CABIN1: variants seen among roughly 807,000 people sequenced by gnomAD.
CABIN1 encodes calcineurin binding protein 1.
CABIN1 carries 133 observed loss-of-function variants against 227.7 expected under a neutral mutation model. The ratio of observed to expected loss-of-function variants is 0.58; its 90% CI spans 0.51 to 0.67. The LOEUF (loss-of-function observed/expected upper bound fraction) is 0.67. Among genes scored for constraint, CABIN1 ranks in the 30% least tolerant of loss-of-function variants. The pLI is 0.00. For synonymous variants in CABIN1, 1,086 were observed against 1,155.1 expected (o/e 0.94, Z 1.21); for missense variants, 2,408 against 2,852.5 (o/e 0.84, Z 3.55).
chr22:24,056,145 TTCA>T, intron 9 of CABIN1, 44 bp from the exon 10 acceptor site: 1 of 1,562,252 alleles, frequency 6.4e-7, no homozygotes, highest in Non-Finnish European at 8.8e-7. Context: ...GTGCATTTTT[TTCA>T]TCCCTGCCAC....
chr22:24,041,214 T>G lies in CABIN1; in HGVS notation c.286T>G (p.Leu96Val). The G allele has an allele frequency of 1.9e-6, 3 of 1,614,234 alleles. No individual in the cohort carries two copies. The highest frequency in any genetic ancestry group is 2.5e-6 in the Non-Finnish European group (3 of 1,180,052). ...LILKYSTYKNLAQLAAQREDL... is the reference protein window; with the variant it reads ...LILKYSTYKNVAQLAAQREDL... Reference sequence around the variant, plus strand: ...ACTGAAATATTCCACTTATAAGAACTTGGCCCAGCTGGCAGCCCAGCGGGA... The same window carrying G: ...ACTGAAATATTCCACTTATAAGAACGTGGCCCAGCTGGCAGCCCAGCGGGA... The change falls in exon 5 of 37, where the codon TTG becomes GTG. Residue 96 changes from leucine to valine, a missense_variant. Around this residue, in one of 3 missense-constraint regions of CABIN1, gnomAD observed 1,045 missense variants for 1,168.4 expected, o/e 0.89. Coordinates refer to ENST00000263119, the MANE Select transcript of CABIN1 (RefSeq NM_012295.4).
At chr22:24,077,152 C>T (rs533374242) in intron 19 of CABIN1, among the ~76,000 whole-genome samples, 70 of 152,264 alleles carry the variant, frequency 4.6e-4, no homozygotes, top group Non-Finnish European at 7.9e-4. Flanking sequence ...AATACCTGCT[C>T]TTTCACAACT....
At chr22:24,138,611 T>C (rs749267655) in intron 29 of CABIN1, among the ~76,000 whole-genome samples, 2 of 152,194 alleles carry the variant, frequency 1.3e-5, no homozygotes, top group Non-Finnish European at 2.9e-5. Flanking sequence ...GAGAAACACA[T>C]TTCCCAGTTT....
chr22:24,168,348 C>T (rs2046579827), intron 32 of CABIN1, 99 bp from the exon 33 acceptor site: 1 of 1,212,562 alleles, frequency 8.2e-7, no homozygotes, highest in Non-Finnish European at 1.2e-6. Flanking sequence ...CAGGGCATGC[C>T]CCCTACCTAG....
chr22:24,073,890 T>C (rs1009912859), intron 18 of CABIN1, among the ~76,000 whole-genome samples: 40 of 152,346 alleles, frequency 2.6e-4, no homozygotes, highest in African/African-American at 7.9e-4. Context: ...GTTTTCATCA[T>C]GCTGATGAGA....
At position 24,038,915 on chromosome 22, in the gene CABIN1, G is replaced by A. The variant is rs118139837; in HGVS notation, c.210+454G>A. Reference sequence around the variant, plus strand: ...ATGCCATTTGAGTAAAAGACCATGAGCTTGGGAAGTCTGTATAGACATGCC... The same window carrying A: ...ATGCCATTTGAGTAAAAGACCATGAACTTGGGAAGTCTGTATAGACATGCC... On this transcript the variant is annotated intron_variant, in intron 4 of 36. Coordinates refer to ENST00000263119, the MANE Select transcript of CABIN1 (RefSeq NM_012295.4). 9.0e-3 allele frequency among the ~76,000 whole-genome samples: 1,371 copies of A among 152,308 alleles called. 62 individuals are homozygous for A. In the East Asian group the frequency reaches 0.14, roughly 15 times the overall value.
At chr22:24,125,711 A>G (rs1490106980) in intron 28 of CABIN1, among the ~76,000 whole-genome samples, 1 of 152,200 alleles carries the variant, frequency 6.6e-6, no homozygotes, top group Non-Finnish European at 1.5e-5. Flanking sequence ...CTTCCACAAA[A>G]TGGTGGTGTG....
At chr22:24,176,399 T>C in intron 35 of CABIN1, 124 bp downstream of exon 35, 1 of 1,138,146 alleles carries the variant, frequency 8.8e-7, no homozygotes, top group South Asian at 1.3e-5. Context: ...TGGAATGAGA[T>C]GGGGAGGAAA....
chr22:24,061,894 C>A, intron 12 of CABIN1, 53 bp from the exon 13 acceptor site: 1 of 1,341,002 alleles, frequency 7.5e-7, no homozygotes, highest in Non-Finnish European at 1.1e-6. Flanking sequence ...ACCCCCCACA[C>A]TGTGAAGAGG....
chr22:24,025,057 C>T (rs1413142432), intron 1 of CABIN1, among the ~76,000 whole-genome samples: 2 of 152,020 alleles, frequency 1.3e-5, no homozygotes, highest in East Asian at 3.9e-4. Flanking sequence ...TATCAAATTC[C>T]TTTTTCCTGT....
chr22:24,013,015 C>T lies in CABIN1; in HGVS notation c.-75+1648C>T, dbSNP rs528335882. Among the ~76,000 whole-genome samples the T allele has an allele frequency of 2.0e-5, 3 of 152,062 alleles. No individual in the cohort carries two copies. In the East Asian group the frequency reaches 5.8e-4, roughly 30 times the overall value. Reference sequence around the variant, plus strand: ...ACCTCAGGTGATCCACCCGCCTCGGCCTCTGAAAGTGTTGGGATTACAGGC... The same window carrying T: ...ACCTCAGGTGATCCACCCGCCTCGGTCTCTGAAAGTGTTGGGATTACAGGC... On this transcript the variant is annotated intron_variant, in intron 1 of 36. Coordinates refer to ENST00000263119, the MANE Select transcript of CABIN1 (RefSeq NM_012295.4).
chr22:24,140,294 G>A (rs1379320528), intron 29 of CABIN1, among the ~76,000 whole-genome samples: 1 of 152,242 alleles, frequency 6.6e-6, no homozygotes, highest in Non-Finnish European at 1.5e-5. Context: ...ACAGATGGAC[G>A]TGTAGCAGGG....
At chr22:24,064,237 CT>C in intron 15 of CABIN1, 50 bp downstream of exon 15, 1 of 1,597,126 alleles carries the variant, frequency 6.3e-7, no homozygotes, top group Non-Finnish European at 8.6e-7. Context: ...TGGAGTTTCA[CT>C]TTTGTCGCCT....
chr22:24,111,738 A>G lies in CABIN1; in HGVS notation c.4118-1828A>G, dbSNP rs955633962. ...TTGAAGTGTAGTTTCTACTGAATGC[A>G]TATCACTTTTGCATCATTGTAAAGT... On this transcript the variant is annotated intron_variant, in intron 26 of 36. Coordinates refer to ENST00000263119, the MANE Select transcript of CABIN1 (RefSeq NM_012295.4). Among the ~76,000 whole-genome samples, 6 of 152,376 alleles carry G rather than the reference A, an allele frequency of 3.9e-5. No homozygotes were observed. The East Asian group carries it at 5.8e-4, about 15-fold the overall frequency.
At chr22:24,091,961 C>G (rs555799595) in intron 24 of CABIN1, 118 bp downstream of exon 24, 22 of 1,211,886 alleles carry the variant, frequency 1.8e-5, no homozygotes, top group Middle Eastern at 4.1e-4. Flanking sequence ...GCAAACTTAT[C>G]TGTGTTGAGC....
rs1056788500 is a variant in CABIN1, at chr22:24,055,016, C to T, written c.950C>T (p.Thr317Met). The T allele has an allele frequency of 6.2e-6, 10 of 1,614,108 alleles. No individual in the cohort carries two copies. Among genetic ancestry groups the T allele is most frequent in the East Asian group, 2.2e-5 (1 of 44,896 alleles). Residue 317 changes from threonine to methionine, a missense_variant, in exon 9 of 37, where the codon ACG (threonine) becomes ATG (methionine). Transcript: ENST00000263119. The stretch of plus-strand genomic sequence containing the variant: ...CCTCTTGAGTCCTCCATGGTGGTGA[C>T]GCCAGTTAACGTGATCCAGCCAAGC... ...SQPLESSMVVTPVNVIQPSTV... is the reference protein window; with the variant it reads ...SQPLESSMVVMPVNVIQPSTV...
At chr22:24,024,862 C>G (rs1010024999) in intron 1 of CABIN1, among the ~76,000 whole-genome samples, 3 of 152,028 alleles carry the variant, frequency 2.0e-5, no homozygotes, top group Non-Finnish European at 4.4e-5. Flanking sequence ...GAATTTCTGT[C>G]TCTTTAGTGA....
chr22:24,132,750 G>T (rs1003092532), intron 28 of CABIN1, among the ~76,000 whole-genome samples: 6 of 152,148 alleles, frequency 3.9e-5, no homozygotes, highest in African/African-American at 1.4e-4. Context: ...ACCATGCCAG[G>T]CTAATTCTTG....
At chr22:24,127,284 C>T (rs939560501) in intron 28 of CABIN1, among the ~76,000 whole-genome samples, 7 of 152,174 alleles carry the variant, frequency 4.6e-5, no homozygotes, top group South Asian at 2.1e-4. Flanking sequence ...CGGTGCCTGT[C>T]GGGGCTGGCC....
Sources: gnomAD v4.1 joint callset for allele counts (sites outside exome capture counted in the v4.1 genomes callset) on GRCh38, gnomAD v4.1.1 for gene constraint, gnomAD v4.1.1 regional missense constraint, MANE v1.5 for transcripts, NCBI Gene and HGNC (gene_info 2026-07-23, HGNC 2026-07-21) for gene names.